The following PABPC4L variants were observed in gnomAD, a reference collection of about 807,000 sequenced individuals.
PABPC4L encodes the protein poly(A) binding protein cytoplasmic 4 like.
For synonymous variants in PABPC4L, 169 were observed against 164.1 expected (o/e 1.03, Z -0.23); for missense variants, 452 against 451.4 (o/e 1.00, Z -0.01).
the PABPC4L span, among the ~76,000 whole-genome samples, chr4:134,181,759 A>C: frequency 1.3e-5 from 2 of 151,906 alleles, no homozygotes; most frequent in African/African-American, 2.4e-5. Context: ...CAGGAACAAA[A>C]TTCCATTCAC....
At chr4:134,045,116 A>G in the PABPC4L span, among the ~76,000 whole-genome samples, 1 of 152,192 alleles carries the variant, frequency 6.6e-6, no homozygotes, top group South Asian at 2.1e-4. Flanking sequence ...TGCATATAAA[A>G]TTTATACTTT....
At chr4:134,054,512 C>T in the PABPC4L span, among the ~76,000 whole-genome samples, 1 of 151,498 alleles carries the variant, frequency 6.6e-6, no homozygotes, top group Non-Finnish European at 1.5e-5. Context: ...TGTTTTATAG[C>T]CACATCTACT....
the PABPC4L span, among the ~76,000 whole-genome samples, chr4:134,164,648 T>C: frequency 6.6e-6 from 1 of 152,052 alleles, no homozygotes; most frequent in South Asian, 2.1e-4. Context: ...TATAAATACA[T>C]CCTATGCTCA....
the PABPC4L span, among the ~76,000 whole-genome samples, chr4:134,033,114 T>A: frequency 6.6e-6 from 1 of 151,458 alleles, no homozygotes; most frequent in Non-Finnish European, 1.5e-5. Flanking sequence ...GGTACTCACT[T>A]CATGTCTCTG....
rs1729689043 is a variant in PABPC4L at position 134,197,230 on chromosome 4, T to C, written c.*2677A>G. 2 of 151,716 alleles carry C rather than the reference T, an allele frequency of 1.3e-5. No homozygotes were observed. The highest frequency in any genetic ancestry group is 4.1e-4 in the South Asian group (2 of 4,826). The allele number at this position is 151,716 out of a possible 1,614,324, so 9.4% of individuals were successfully genotyped here. On this transcript the variant is annotated 3_prime_UTR_variant, in exon 2 of 2. Coordinates refer to ENST00000421491, the MANE Select transcript of PABPC4L (RefSeq NM_001114734.2). ...TGCCAACTCTAATTCATTGGCTCTCTGAATCAAGTATTTACCAAAATACAT... is the reference window on the plus strand; with the variant it reads ...TGCCAACTCTAATTCATTGGCTCTCCGAATCAAGTATTTACCAAAATACAT...
the PABPC4L span, among the ~76,000 whole-genome samples, chr4:133,965,393 C>T: frequency 6.6e-6 from 1 of 151,954 alleles, no homozygotes; most frequent in African/African-American, 2.4e-5. Flanking sequence ...GACCATACTG[C>T]CAAAAGCAAT....
At chr4:133,984,177 T>C in the PABPC4L span, among the ~76,000 whole-genome samples, 2 of 151,908 alleles carry the variant, frequency 1.3e-5, no homozygotes, top group Non-Finnish European at 3.0e-5. Flanking sequence ...AAGCAACTTA[T>C]GAAAGATAAT....
chr4:133,957,434 G>A, the PABPC4L span, among the ~76,000 whole-genome samples: 7 of 152,142 alleles, frequency 4.6e-5, no homozygotes, highest in African/African-American at 1.7e-4. Flanking sequence ...GGCTTTTCAG[G>A]GTACAGCCCC....
chr4:134,126,974 C>T, the PABPC4L span, among the ~76,000 whole-genome samples: 35 of 152,152 alleles, frequency 2.3e-4, 1 homozygote, highest in Middle Eastern at 0.01. Flanking sequence ...GGCTGAGAGC[C>T]GTATGGGCGC....
the PABPC4L span, among the ~76,000 whole-genome samples, chr4:133,991,208 G>C: frequency 5.9e-5 from 9 of 152,250 alleles, no homozygotes; most frequent in African/African-American, 9.6e-5. Flanking sequence ...CTATCCAAGA[G>C]AGATGTTCTC....
the PABPC4L span, among the ~76,000 whole-genome samples, chr4:134,186,782 C>A: frequency 3.9e-5 from 6 of 152,088 alleles, no homozygotes; most frequent in East Asian, 9.6e-4. Context: ...AAAATTTTTG[C>A]AATCTACCCA....
At chr4:134,133,369 T>C in the PABPC4L span, among the ~76,000 whole-genome samples, 1 of 143,252 alleles carries the variant, frequency 7.0e-6, no homozygotes, top group African/African-American at 2.5e-5. Flanking sequence ...ATAATTGTTA[T>C]ATAATTATAC....
At chr4:134,122,861 GTT>G in the PABPC4L span, among the ~76,000 whole-genome samples, 1 of 151,466 alleles carries the variant, frequency 6.6e-6, no homozygotes, top group Non-Finnish European at 1.5e-5. Context: ...AAGGTGTTTT[GTT>G]TACATCACAT....
the PABPC4L span, among the ~76,000 whole-genome samples, chr4:133,969,020 G>C: frequency 6.6e-6 from 1 of 152,266 alleles, no homozygotes; most frequent in East Asian, 1.9e-4. Context: ...GTTATTAACT[G>C]GGAAGTACAG....
chr4:134,032,792 GA>G, the PABPC4L span, among the ~76,000 whole-genome samples: 23 of 151,648 alleles, frequency 1.5e-4, no homozygotes, highest in South Asian at 2.1e-4. Flanking sequence ...AATTATTCTA[GA>G]AAAAAGTGAT....
At chr4:134,042,828 A>T in the PABPC4L span, among the ~76,000 whole-genome samples, 2 of 152,164 alleles carry the variant, frequency 1.3e-5, no homozygotes, top group African/African-American at 4.8e-5. Context: ...AGAAGGAGAG[A>T]CAAAGTTTAT....
the PABPC4L span, among the ~76,000 whole-genome samples, chr4:134,088,393 C>G: frequency 6.6e-6 from 1 of 152,068 alleles, no homozygotes; most frequent in Non-Finnish European, 1.5e-5. Flanking sequence ...ACTTTCTAGT[C>G]AAGTTTGTAA....
chr4:134,064,549 A>G, the PABPC4L span, among the ~76,000 whole-genome samples: 1 of 152,156 alleles, frequency 6.6e-6, no homozygotes, highest in African/African-American at 2.4e-5. Context: ...TCGGAATGAG[A>G]TATCATTCAT....
At chr4:134,080,088 A>C in the PABPC4L span, among the ~76,000 whole-genome samples, 1 of 152,270 alleles carries the variant, frequency 6.6e-6, no homozygotes, top group Middle Eastern at 3.4e-3. Context: ...TGGAAATAAT[A>C]ATAGCTTCAA....
Sources: gnomAD v4.1 joint callset for allele counts (sites outside exome capture counted in the v4.1 genomes callset) on GRCh38, gnomAD v4.1.1 for gene constraint, MANE v1.5 for transcripts, NCBI Gene and HGNC (gene_info 2026-07-23, HGNC 2026-07-21) for gene names.